The following CFAP210 variants were observed in gnomAD, a reference collection of about 807,000 sequenced individuals.
CFAP210 encodes the protein cilia- and flagella- associated protein 210.
chr2:169,688,322 CAG>C, the CFAP210 span, among the ~76,000 whole-genome samples: 1 of 152,240 alleles, frequency 6.6e-6, no homozygotes, highest in East Asian at 1.9e-4. Context: ...ATTGCATAGT[CAG>C]GCTACAAATT....
At chr2:169,673,343 A>G in the CFAP210 span, among the ~76,000 whole-genome samples, 1 of 152,160 alleles carries the variant, frequency 6.6e-6, no homozygotes, top group African/African-American at 2.4e-5. Flanking sequence ...CAATATAACA[A>G]AAGAGATTTC....
At chr2:169,674,570 A>C in the CFAP210 span, 1 of 1,583,698 alleles carries the variant, frequency 6.3e-7, no homozygotes. Context: ...TTTTATGTAT[A>C]CATACTGTTT....
At chr2:169,656,370 A>AGG in the CFAP210 span, among the ~76,000 whole-genome samples, 3 of 108,978 alleles carry the variant, frequency 2.8e-5, no homozygotes, top group Non-Finnish European at 4.1e-5. Context: ...AAGGAAGAAG[A>AGG]AAGAGGAAAG....
chr2:169,674,922 A>G, the CFAP210 span: 7 of 1,536,338 alleles, frequency 4.6e-6, no homozygotes, highest in Non-Finnish European at 5.2e-6. Context: ...TGCATTTTCA[A>G]TGGCCTTTTT....
chr2:169,661,876 T>G, the CFAP210 span, among the ~76,000 whole-genome samples: 1 of 152,314 alleles, frequency 6.6e-6, no homozygotes, highest in South Asian at 2.1e-4. Context: ...TCACTCATTA[T>G]GTGTGAGCTA....
At chr2:169,666,839 G>A in the CFAP210 span, among the ~76,000 whole-genome samples, 1 of 152,058 alleles carries the variant, frequency 6.6e-6, no homozygotes, top group African/African-American at 2.4e-5. Context: ...CATTTGAATG[G>A]TTTTCACAGC....
the CFAP210 span, among the ~76,000 whole-genome samples, chr2:169,657,825 C>A: frequency 1.3e-5 from 2 of 151,930 alleles, no homozygotes; most frequent in African/African-American, 4.8e-5. Flanking sequence ...ATACTGGATG[C>A]CAGAGGAATA....
At chr2:169,672,893 C>T in the CFAP210 span, among the ~76,000 whole-genome samples, 2 of 152,188 alleles carry the variant, frequency 1.3e-5, no homozygotes, top group East Asian at 3.8e-4. Context: ...TTAACCATCA[C>T]AACATCCTCC....
the CFAP210 span, chr2:169,694,342 T>C: frequency 1.2e-6 from 2 of 1,613,138 alleles, no homozygotes; most frequent in Non-Finnish European, 1.7e-6. Context: ...CTCCTAGATC[T>C]GGAAAAGTGA....
At chr2:169,656,497 C>T in the CFAP210 span, among the ~76,000 whole-genome samples, 38 of 125,038 alleles carry the variant, frequency 3.0e-4, no homozygotes, top group African/African-American at 9.4e-4. Context: ...GAAGGAGGTG[C>T]GGGAGGAGGA....
At chr2:169,673,311 T>C in the CFAP210 span, among the ~76,000 whole-genome samples, 3 of 152,200 alleles carry the variant, frequency 2.0e-5, no homozygotes, top group Non-Finnish European at 4.4e-5. Flanking sequence ...TTGCTGGAAA[T>C]CTGACTGCCA....
chr2:169,667,783 A>G, the CFAP210 span, among the ~76,000 whole-genome samples: 4 of 152,288 alleles, frequency 2.6e-5, no homozygotes, highest in Non-Finnish European at 5.9e-5. Context: ...TAAAATATTC[A>G]GTAAGCCTTG....
At chr2:169,676,557 CT>C in the CFAP210 span, among the ~76,000 whole-genome samples, 61,745 of 151,794 alleles carry the variant, frequency 0.41, 12,827 homozygotes, top group Non-Finnish European at 0.44. Flanking sequence ...ACCACTCCCC[CT>C]ACCTGTAGGC....
chr2:169,660,603 TA>T, the CFAP210 span, among the ~76,000 whole-genome samples: 1,694 of 88,820 alleles, frequency 0.019, 29 homozygotes, highest in African/African-American at 0.055. Context: ...TATATATATA[TA>T]TTTTTTTTTT....
the CFAP210 span, among the ~76,000 whole-genome samples, chr2:169,653,032 ATATATATATATATATATATAT>A: frequency 4.0e-4 from 7 of 17,514 alleles, no homozygotes; most frequent in Non-Finnish European, 6.7e-4. Context: ...AAAAAAAAAT[ATATATATATATATATATATAT>A]ATATATATAT....
At chr2:169,690,934 T>C in the CFAP210 span, among the ~76,000 whole-genome samples, 3 of 152,330 alleles carry the variant, frequency 2.0e-5, no homozygotes, top group South Asian at 6.2e-4. Flanking sequence ...GATTGTGTGA[T>C]GTTTTTCATC....
At chr2:169,682,518 T>G in the CFAP210 span, among the ~76,000 whole-genome samples, 1 of 152,150 alleles carries the variant, frequency 6.6e-6, no homozygotes, top group Admixed American at 6.5e-5. Context: ...TGATTCAACA[T>G]GCTGTTTGTT....
At chr2:169,648,511 C>T in the CFAP210 span, among the ~76,000 whole-genome samples, 1 of 152,186 alleles carries the variant, frequency 6.6e-6, no homozygotes, top group African/African-American at 2.4e-5. Context: ...AAGAAAACAA[C>T]CCAATTAAAA....
the CFAP210 span, among the ~76,000 whole-genome samples, chr2:169,684,648 CGTTGTT>C: frequency 0.27 from 40,542 of 151,420 alleles, 5,598 homozygotes; most frequent in Non-Finnish European, 0.31. Flanking sequence ...GATTCCTTTT[CGTTGTT>C]GTTGTTGTTG....
Sources: gnomAD v4.1 joint callset for allele counts (sites outside exome capture counted in the v4.1 genomes callset) on GRCh38, gnomAD v4.1.1 for gene constraint, MANE v1.5 for transcripts, NCBI Gene and HGNC (gene_info 2026-07-23, HGNC 2026-07-21) for gene names.